Variants in SLC24A2 observed in about 807,000 individuals in gnomAD.
The protein encoded by SLC24A2 is sodium/potassium/calcium exchanger 2.
Under a neutral mutation model 62.0 loss-of-function variants are expected in SLC24A2, and 36 were observed. The observed-to-expected ratio is 0.58, with a 90% CI of 0.44 to 0.77. The LOEUF (loss-of-function observed/expected upper bound fraction) is 0.77, where lower values mean the gene tolerates loss of function less well. Among genes scored for constraint, SLC24A2 ranks in the 30% least tolerant of loss-of-function variants. The pLI, the probability that SLC24A2 is intolerant of heterozygous loss-of-function variation, is 0.00. For synonymous variants in SLC24A2, 358 were observed against 294.0 expected, an observed-to-expected ratio of 1.22 and a Z score of -2.23; for missense variants, 846 against 817.9, an observed-to-expected ratio of 1.03 and a Z score of -0.42.
the SLC24A2 span, among the ~76,000 whole-genome samples, chr9:19,932,348 T>C: frequency 2.0e-5 from 3 of 152,220 alleles, no homozygotes; most frequent in Non-Finnish European, 2.9e-5. Context: ...ATACAAATTA[T>C]GTAGCCCAAT....
At chr9:20,191,654 C>T in the SLC24A2 span, among the ~76,000 whole-genome samples, 6 of 151,028 alleles carry the variant, frequency 4.0e-5, no homozygotes, top group East Asian at 1.9e-4. Context: ...CTCCTTGTGG[C>T]AGTAGAGAAT....
At chr9:19,914,431 C>T in the SLC24A2 span, among the ~76,000 whole-genome samples, 502 of 152,196 alleles carry the variant, frequency 3.3e-3, 2 homozygotes, top group Non-Finnish European at 5.4e-3. Context: ...TTGCTCTCTC[C>T]CACAACTTGT....
At chr9:20,277,763 G>A in the SLC24A2 span, among the ~76,000 whole-genome samples, 2 of 152,194 alleles carry the variant, frequency 1.3e-5, no homozygotes, top group Non-Finnish European at 2.9e-5. Flanking sequence ...TATAAAACAT[G>A]CTGCTATGAA....
At chr9:20,175,821 T>A in the SLC24A2 span, among the ~76,000 whole-genome samples, 1 of 152,106 alleles carries the variant, frequency 6.6e-6, no homozygotes, top group African/African-American at 2.4e-5. Flanking sequence ...CTTACCTTTG[T>A]ATTCCAAGAT....
chr9:20,192,698 G>A, the SLC24A2 span, among the ~76,000 whole-genome samples: 652 of 152,210 alleles, frequency 4.3e-3, 6 homozygotes, highest in African/African-American at 0.013. Context: ...TTCCTGATAC[G>A]GGGGCTGCTC....
At chr9:20,294,083 C>A in the SLC24A2 span, among the ~76,000 whole-genome samples, 2 of 152,054 alleles carry the variant, frequency 1.3e-5, no homozygotes, top group African/African-American at 2.4e-5. Flanking sequence ...AGACCATCAT[C>A]TTCTTGTTTT....
chr9:20,228,491 G>A, the SLC24A2 span, among the ~76,000 whole-genome samples: 1 of 151,978 alleles, frequency 6.6e-6, no homozygotes, highest in Non-Finnish European at 1.5e-5. Context: ...AAAAATCCAA[G>A]CGCAACAAAT....
At chr9:19,581,796 G>GT (rs1211687905) in intron 5 of SLC24A2, among the ~76,000 whole-genome samples, 1 of 152,180 alleles carries the variant, frequency 6.6e-6, no homozygotes, top group African/African-American at 2.4e-5. Context: ...AAATGACTGT[G>GT]TAACATTGAG....
the SLC24A2 span, among the ~76,000 whole-genome samples, chr9:20,016,609 C>G: frequency 4.6e-5 from 7 of 152,174 alleles, no homozygotes; most frequent in African/African-American, 1.4e-4. Context: ...TTATTTTACT[C>G]TTCAACTAAA....
chr9:20,274,850 C>T, the SLC24A2 span, among the ~76,000 whole-genome samples: 5 of 151,930 alleles, frequency 3.3e-5, no homozygotes, highest in African/African-American at 4.8e-5. Flanking sequence ...GAGCATGCCA[C>T]GGTGCAGAAG....
At chr9:19,846,621 CTTA>C in the SLC24A2 span, among the ~76,000 whole-genome samples, 1 of 152,222 alleles carries the variant, frequency 6.6e-6, no homozygotes, top group Non-Finnish European at 1.5e-5. Context: ...AGGTTTTGAT[CTTA>C]TTACAAAGTT....
chr9:19,892,771 G>A, the SLC24A2 span, among the ~76,000 whole-genome samples: 9 of 152,038 alleles, frequency 5.9e-5, no homozygotes, highest in African/African-American at 2.2e-4. Context: ...GAAGCTTGGC[G>A]AGAACAAGAG....
the SLC24A2 span, among the ~76,000 whole-genome samples, chr9:19,868,708 C>T: frequency 6.6e-6 from 1 of 152,034 alleles, no homozygotes; most frequent in Non-Finnish European, 1.5e-5. Context: ...ATGCTGGTTT[C>T]ATTATGAAAT....
At chr9:19,703,438 C>T (rs1340018139) in intron 2 of SLC24A2, among the ~76,000 whole-genome samples, 1 of 152,180 alleles carries the variant, frequency 6.6e-6, no homozygotes, top group Admixed American at 6.5e-5. Context: ...TCCATTCCCT[C>T]TGTCATTCAT....
At chr9:19,551,842 T>G (rs1006241) in intron 7 of SLC24A2, among the ~76,000 whole-genome samples, 127,642 of 152,102 alleles carry the variant, frequency 0.84, 53,761 homozygotes, top group East Asian at 1. Context: ...ATGTATAGTG[T>G]TTTATACAAT....
intron 7 of SLC24A2, among the ~76,000 whole-genome samples, chr9:19,563,816 TCCTTCCTTCCTCCCTCCCTCCCTCCCTC>T (rs1304921394): frequency 4.7e-5 from 5 of 106,734 alleles, no homozygotes; most frequent in Non-Finnish European, 9.3e-5. Flanking sequence ...CTTCCTTCCT[TCCTTCCTTCCTCCCTCCCTCCCTCCCTC>T]CCTCCCTCCC....
chr9:20,144,460 G>A, the SLC24A2 span, among the ~76,000 whole-genome samples: 3 of 152,160 alleles, frequency 2.0e-5, no homozygotes, highest in South Asian at 4.1e-4. Flanking sequence ...CCTGCCACAC[G>A]TCTTTCCTGT....
chr9:20,109,960 C>T, the SLC24A2 span, among the ~76,000 whole-genome samples: 1 of 152,104 alleles, frequency 6.6e-6, no homozygotes, highest in Non-Finnish European at 1.5e-5. Context: ...CATGTTTATG[C>T]AGTTATTGTC....
At chr9:19,750,847 A>G (rs555245276) in intron 2 of SLC24A2, among the ~76,000 whole-genome samples, 2 of 152,266 alleles carry the variant, frequency 1.3e-5, no homozygotes, top group African/African-American at 4.8e-5. Context: ...TTCCACATCA[A>G]GATGACTTTG....
Sources: gnomAD v4.1 joint callset for allele counts (sites outside exome capture counted in the v4.1 genomes callset) on GRCh38, gnomAD v4.1.1 for gene constraint, MANE v1.5 for transcripts, NCBI Gene and HGNC (gene_info 2026-07-23, HGNC 2026-07-21) for gene names.